The following SPOCK1 variants were observed in gnomAD, a reference collection of about 807,000 sequenced individuals.
SPOCK1 encodes testican-1.
In SPOCK1, 23 loss-of-function variants were observed where a neutral mutation model predicts 55.3. That is an observed-to-expected ratio of 0.42 (90% CI 0.30 to 0.59). The LOEUF (loss-of-function observed/expected upper bound fraction) is 0.59. Among genes scored for constraint, SPOCK1 ranks in the 20% least tolerant of loss-of-function variants. The probability of loss-of-function intolerance (pLI) is 0.22; values close to 1 mark genes in which losing one functional copy is unlikely to be tolerated. For missense variants in SPOCK1, 499 were observed against 552.5 expected, an observed-to-expected ratio of 0.90 and a Z score of 0.97; for synonymous variants, 226 against 221.0, an observed-to-expected ratio of 1.02 and a Z score of -0.20.
chr5:137,488,838 G>A (rs1754116190), intron 2 of SPOCK1, among the ~76,000 whole-genome samples: 1 of 152,154 alleles, frequency 6.6e-6, no homozygotes, highest in South Asian at 2.1e-4. Context: ...GGTGCCCTCT[G>A]GAGTGTGATG....
intron 2 of SPOCK1, among the ~76,000 whole-genome samples, chr5:137,482,922 T>C (rs1203721341): frequency 6.6e-6 from 1 of 152,192 alleles, no homozygotes; most frequent in Admixed American, 6.5e-5. Flanking sequence ...AACTCATAGG[T>C]AAATAAACAA....
intron 2 of SPOCK1, among the ~76,000 whole-genome samples, chr5:137,287,219 A>C (rs1757287475): frequency 6.6e-6 from 1 of 152,160 alleles, no homozygotes; most frequent in Non-Finnish European, 1.5e-5. Context: ...TCTGCCCTAA[A>C]GCTCCCTGTC....
intron 3 of SPOCK1, among the ~76,000 whole-genome samples, chr5:137,234,718 C>A (rs1313401481): frequency 6.6e-6 from 1 of 152,130 alleles, no homozygotes; most frequent in Non-Finnish European, 1.5e-5. Flanking sequence ...GGGTTAGTGA[C>A]TTGCCTCCAA....
At chr5:137,425,493 A>T (rs1752588709) in intron 2 of SPOCK1, among the ~76,000 whole-genome samples, 1 of 152,266 alleles carries the variant, frequency 6.6e-6, no homozygotes, top group South Asian at 2.1e-4. Context: ...GCATTTTCTG[A>T]AGCAAATGAC....
intron 4 of SPOCK1, among the ~76,000 whole-genome samples, chr5:137,131,768 C>T (rs1322023193): frequency 1.3e-5 from 2 of 149,474 alleles, no homozygotes; most frequent in Non-Finnish European, 3.0e-5. Context: ...GTCAAGAGAT[C>T]GAGACCATCC....
chr5:137,498,236 G>T, intron 2 of SPOCK1, 137 bp downstream of exon 2: 1 of 876,822 alleles, frequency 1.1e-6, no homozygotes, highest in Non-Finnish European at 1.5e-6. Flanking sequence ...ACCAGCCCCC[G>T]CGGGAGATGC....
At chr5:137,450,538 G>A (rs1753233956) in intron 2 of SPOCK1, among the ~76,000 whole-genome samples, 2 of 152,180 alleles carry the variant, frequency 1.3e-5, no homozygotes, top group African/African-American at 4.8e-5. Flanking sequence ...CATTCACATA[G>A]GGCCCATGCT....
At chr5:137,302,628 C>A (rs771135779) in intron 2 of SPOCK1, among the ~76,000 whole-genome samples, 3 of 146,026 alleles carry the variant, frequency 2.1e-5, no homozygotes, top group South Asian at 2.2e-4. Flanking sequence ...ATAAATAAAT[C>A]AGTTTTAGAT....
intron 2 of SPOCK1, among the ~76,000 whole-genome samples, chr5:137,336,606 C>G (rs897231149): frequency 6.6e-6 from 1 of 152,032 alleles, no homozygotes; most frequent in African/African-American, 2.4e-5. Context: ...CTTTCTTGGC[C>G]CCCTTAATTC....
At chr5:137,041,472 T>C (rs1751997476) in intron 6 of SPOCK1, among the ~76,000 whole-genome samples, 1 of 152,176 alleles carries the variant, frequency 6.6e-6, no homozygotes, top group South Asian at 2.1e-4. Context: ...AGTTGGACTT[T>C]ATTAAAATTA....
At chr5:137,316,353 A>G (rs1757881111) in intron 2 of SPOCK1, among the ~76,000 whole-genome samples, 1 of 152,228 alleles carries the variant, frequency 6.6e-6, no homozygotes, top group African/African-American at 2.4e-5. Context: ...TAGCTAGAAA[A>G]AATCCTTTTA....
intron 2 of SPOCK1, among the ~76,000 whole-genome samples, chr5:137,480,435 T>C (rs751929934): frequency 6.6e-6 from 1 of 152,176 alleles, no homozygotes; most frequent in Admixed American, 6.5e-5. Flanking sequence ...AACTGTGATA[T>C]ACTAATCCTA....
chr5:137,174,030 T>G (rs969498289), intron 3 of SPOCK1, among the ~76,000 whole-genome samples: 1 of 152,212 alleles, frequency 6.6e-6, no homozygotes, highest in African/African-American at 2.4e-5. Context: ...CTGAACCTGC[T>G]TTAAGAAATT....
chr5:137,473,514 A>T (rs1753777818), intron 2 of SPOCK1, among the ~76,000 whole-genome samples: 2 of 152,222 alleles, frequency 1.3e-5, no homozygotes, highest in African/African-American at 2.4e-5. Flanking sequence ...TGGGAAGGAC[A>T]GTAGCAGGGA....
chr5:136,990,828 A>C (rs997864035), intron 7 of SPOCK1, among the ~76,000 whole-genome samples: 1 of 152,204 alleles, frequency 6.6e-6, no homozygotes, highest in East Asian at 1.9e-4. Context: ...GCAGTAGTCA[A>C]AAAGTCAAGC....
intron 5 of SPOCK1, among the ~76,000 whole-genome samples, chr5:137,089,418 G>A (rs1174129825): frequency 1.3e-5 from 2 of 152,114 alleles, no homozygotes; most frequent in Admixed American, 6.5e-5. Context: ...CTCACAGGAA[G>A]TGGCCACCCT....
At chr5:137,465,078 C>T (rs1753593237) in intron 2 of SPOCK1, among the ~76,000 whole-genome samples, 1 of 152,136 alleles carries the variant, frequency 6.6e-6, no homozygotes, top group African/African-American at 2.4e-5. Flanking sequence ...CCAGATAACA[C>T]CAGAGTCCAG....
chr5:137,221,310 A>T (rs777122205), intron 3 of SPOCK1, among the ~76,000 whole-genome samples: 1 of 152,226 alleles, frequency 6.6e-6, no homozygotes, highest in African/African-American at 2.4e-5. Flanking sequence ...GTCCAGGCCC[A>T]TTTCAGAAAC....
intron 6 of SPOCK1, among the ~76,000 whole-genome samples, chr5:137,010,882 G>T (rs2126974441): frequency 6.6e-6 from 1 of 152,260 alleles, no homozygotes; most frequent in African/African-American, 2.4e-5. Context: ...GTAGCAGCCT[G>T]AGGTCCCTGG....
Sources: allele counts gnomAD v4.1 joint callset (sites outside exome capture counted in the v4.1 genomes callset), GRCh38; gene constraint gnomAD v4.1.1; transcripts MANE v1.5; gene names NCBI Gene and HGNC (gene_info 2026-07-23, HGNC 2026-07-21).